Variants in CDH13 observed in about 807,000 individuals in gnomAD.
CDH13 encodes cadherin 13.
In CDH13, 24 loss-of-function variants were observed where a neutral mutation model predicts 63.8. The observed-to-expected ratio is 0.38, with a 90% CI of 0.27 to 0.53. CDH13 has a LOEUF of 0.53. Among genes scored for constraint, CDH13 ranks in the 20% least tolerant of loss-of-function variants. The pLI is 0.85. For synonymous variants in CDH13, 503 were observed against 355.3 expected, an observed-to-expected ratio of 1.42 and a Z score of -4.67; for missense variants, 1,049 against 903.1, an observed-to-expected ratio of 1.16 and a Z score of -2.07.
intron 2 of CDH13, among the ~76,000 whole-genome samples, chr16:82,912,058 G>A (rs886281965): frequency 1.5e-4 from 23 of 151,812 alleles, no homozygotes; most frequent in African/African-American, 4.6e-4. Flanking sequence ...CTAATTCCAC[G>A]GCCGCCCCTG....
intron 2 of CDH13, among the ~76,000 whole-genome samples, chr16:82,996,909 ATGT>A (rs1377559926): frequency 4.0e-5 from 6 of 150,496 alleles, no homozygotes; most frequent in Non-Finnish European, 7.4e-5. Context: ...GGTGATGGTG[ATGT>A]TGATTATTAT....
At position 83,650,835 on chromosome 16, in the gene CDH13, G is replaced by A. The variant is rs1033571975; in HGVS notation, c.1102-19955G>A. ...TGCCTGTTATCTTAACATTTTAGGCGGCTGAGGCTGGAGGATTGCCTAAGG... is the reference window on the plus strand; with the variant it reads ...TGCCTGTTATCTTAACATTTTAGGCAGCTGAGGCTGGAGGATTGCCTAAGG... On this transcript the variant is annotated intron_variant, in intron 8 of 13. Transcript: ENST00000567109. 5.3e-5 allele frequency among the ~76,000 whole-genome samples: 8 copies of A among 152,118 alleles called. No individual in the cohort carries two copies. In the South Asian group the frequency reaches 6.2e-4, roughly 12 times the overall value.
chr16:83,215,364 C>G (rs2151784554), intron 4 of CDH13, among the ~76,000 whole-genome samples: 1 of 152,080 alleles, frequency 6.6e-6, no homozygotes, highest in East Asian at 1.9e-4. Context: ...CAGGCATGAG[C>G]CACCACGCCC....
intron 4 of CDH13, among the ~76,000 whole-genome samples, chr16:83,164,659 G>C (rs2037585244): frequency 6.6e-6 from 1 of 151,042 alleles, no homozygotes. Context: ...GGCGGAGGTT[G>C]CAGTGAGCCG....
chr16:82,828,488 G>C (rs1410954226), intron 1 of CDH13, among the ~76,000 whole-genome samples: 1 of 152,062 alleles, frequency 6.6e-6, no homozygotes, highest in South Asian at 2.1e-4. Context: ...GTGTTGGCGG[G>C]CACCTGTAAT....
At chr16:82,980,337 G>T (rs778937560) in intron 2 of CDH13, among the ~76,000 whole-genome samples, 1 of 152,148 alleles carries the variant, frequency 6.6e-6, no homozygotes, top group Non-Finnish European at 1.5e-5. Flanking sequence ...GAGTGCTTTG[G>T]CTGGGTCCGT....
intron 1 of CDH13, among the ~76,000 whole-genome samples, chr16:82,651,668 C>G (rs146538091): frequency 6.6e-6 from 1 of 152,164 alleles, no homozygotes; most frequent in African/African-American, 2.4e-5. Flanking sequence ...AGGGTAGGTA[C>G]GCCATTGGAA....
rs566788734 is a variant in CDH13 at position 83,403,829 on chromosome 16, T to G, written c.781+58823T>G. 3.9e-5 allele frequency among the ~76,000 whole-genome samples: 6 copies of G among 152,198 alleles called. No individual in the cohort carries two copies. The East Asian group carries it at 5.8e-4, about 15-fold the overall frequency. ...TTACCTAGATACAAAAAGTTCAGTA[T>G]TCTATCATGACTTTAATATAAGGGA... On this transcript the variant is annotated intron_variant, in intron 6 of 13. Transcript: ENST00000567109.
At chr16:83,167,907 A>G (rs1237174722) in intron 4 of CDH13, among the ~76,000 whole-genome samples, 1 of 152,086 alleles carries the variant, frequency 6.6e-6, no homozygotes, top group Non-Finnish European at 1.5e-5. Context: ...AGCAACATGG[A>G]TGCAGCCAGG....
rs2151024688 is a variant in CDH13, at chr16:83,795,774, A to C, written c.*744A>C. ...GCAGAGCAGGCAATTTCACCACCAA[A>C]TGCCAAGAAAAGGGCTGACATTTTC... On this transcript the variant is annotated 3_prime_UTR_variant, in exon 14 of 14. Coordinates refer to ENST00000567109, the MANE Select transcript of CDH13 (RefSeq NM_001257.5). 1 of 152,656 alleles carries C rather than the reference A, an allele frequency of 6.6e-6. No homozygotes were observed. Among genetic ancestry groups the C allele is most frequent in the South Asian group, 2.1e-4 (1 of 4,822 alleles). 9.5% of individuals were successfully genotyped at this position (152,656 alleles called of 1,614,324 possible).
chr16:82,715,355 CTGTT>C (rs1441117202), intron 1 of CDH13, among the ~76,000 whole-genome samples: 3 of 152,112 alleles, frequency 2.0e-5, no homozygotes, highest in South Asian at 2.1e-4. Context: ...GTCAGGGCGT[CTGTT>C]TGTTGAGAGG....
At chr16:82,847,992 A>C (rs2039334494) in intron 1 of CDH13, among the ~76,000 whole-genome samples, 1 of 151,660 alleles carries the variant, frequency 6.6e-6, no homozygotes, top group Non-Finnish European at 1.5e-5. Flanking sequence ...TGAATCTCTA[A>C]ATTTAGCATT....
At chr16:83,147,463 G>A (rs1219288410) in intron 4 of CDH13, among the ~76,000 whole-genome samples, 1 of 152,114 alleles carries the variant, frequency 6.6e-6, no homozygotes, top group Non-Finnish European at 1.5e-5. Context: ...GCTTCTCTGT[G>A]TGACCTCAAG....
At chr16:83,743,748 C>T (rs9938951) in intron 10 of CDH13, among the ~76,000 whole-genome samples, 100 of 76,260 alleles carry the variant, frequency 1.3e-3, no homozygotes, top group Non-Finnish European at 1.4e-3. Flanking sequence ...TTTCTTTTTT[C>T]TTTTTTTTTT....
chr16:83,094,984 G>T (rs2034123238), intron 3 of CDH13, among the ~76,000 whole-genome samples: 1 of 152,124 alleles, frequency 6.6e-6, no homozygotes, highest in Non-Finnish European at 1.5e-5. Context: ...CCTATTGTAG[G>T]ATTAATCATC....
intron 6 of CDH13, among the ~76,000 whole-genome samples, chr16:83,370,988 C>T (rs1257497412): frequency 6.6e-6 from 1 of 152,086 alleles, no homozygotes; most frequent in Non-Finnish European, 1.5e-5. Flanking sequence ...AATAAGATAC[C>T]ATCTCACACC....
intron 1 of CDH13, among the ~76,000 whole-genome samples, chr16:82,853,090 A>T (rs1007997414): frequency 6.6e-6 from 1 of 152,210 alleles, no homozygotes; most frequent in African/African-American, 2.4e-5. Context: ...CTGTGCATAC[A>T]TTTAGGGTAG....
At chr16:83,682,190 T>C (rs1001797228) in intron 10 of CDH13, among the ~76,000 whole-genome samples, 1 of 152,200 alleles carries the variant, frequency 6.6e-6, no homozygotes, top group Non-Finnish European at 1.5e-5. Flanking sequence ...AGGTGCAGAA[T>C]AGCAGTATCC....
chr16:82,696,673 G>A (rs934758705), intron 1 of CDH13, among the ~76,000 whole-genome samples: 2 of 152,182 alleles, frequency 1.3e-5, no homozygotes, highest in African/African-American at 4.8e-5. Flanking sequence ...CTTCAACTCA[G>A]TTAGGTCAAC....
Sources: allele counts gnomAD v4.1 joint callset (sites outside exome capture counted in the v4.1 genomes callset), GRCh38; gene constraint gnomAD v4.1.1; transcripts MANE v1.5; gene names NCBI Gene and HGNC (gene_info 2026-07-23, HGNC 2026-07-21).